CEP85L: variants seen among roughly 807,000 people sequenced by gnomAD.
CEP85L encodes centrosomal protein 85L, also known as centrosomal protein of 85 kDa-like.
Under a neutral mutation model 100.3 loss-of-function variants are expected in CEP85L, and 60 were observed. The ratio of observed to expected loss-of-function variants is 0.60; its 90% CI spans 0.49 to 0.74. The LOEUF is 0.74. CEP85L is among the 30% of genes least tolerant of loss of function. CEP85L has a pLI of 0.00. For missense variants in CEP85L, 973 were observed against 936.2 expected (o/e 1.04, Z -0.51); for synonymous variants, 319 against 322.7 (o/e 0.99, Z 0.12).
rs147778484 is a variant in CEP85L, at chr6:118,483,530, T to A, written c.1590+176A>T. Among the ~76,000 whole-genome samples the A allele has an allele frequency of 9.9e-5, 15 of 152,278 alleles. No individual in the cohort carries two copies. In the East Asian group the frequency reaches 2.7e-3, roughly 27 times the overall value. On this transcript the variant is annotated intron_variant, in intron 7 of 12. Coordinates refer to ENST00000368491, the MANE Select transcript of CEP85L (RefSeq NM_001042475.3). ...GGATCAATAGGAAGGTAATCACTTA[T>A]TAACTGACAAGAAAGATCTACTTAT...
At chr6:118,497,727 C>A (rs1267771796) in intron 5 of CEP85L, among the ~76,000 whole-genome samples, 1 of 152,106 alleles carries the variant, frequency 6.6e-6, no homozygotes, top group East Asian at 1.9e-4. Context: ...ATCTGCTTTG[C>A]AAGAAATGTT....
At chr6:118,477,138 A>G (rs1773445222) in intron 10 of CEP85L, among the ~76,000 whole-genome samples, 1 of 152,200 alleles carries the variant, frequency 6.6e-6, no homozygotes, top group Non-Finnish European at 1.5e-5. Context: ...CAGGCTAGCT[A>G]TACTAGTTTT....
chr6:118,619,435 GCT>G (rs1388135329), intron 2 of CEP85L, among the ~76,000 whole-genome samples: 1 of 152,026 alleles, frequency 6.6e-6, no homozygotes, highest in Non-Finnish European at 1.5e-5. Context: ...TGACAATACT[GCT>G]CTATGCCAAG....
intron 4 of CEP85L, among the ~76,000 whole-genome samples, chr6:118,521,835 T>C (rs560775528): frequency 6.6e-6 from 1 of 152,148 alleles, no homozygotes; most frequent in African/African-American, 2.4e-5. Flanking sequence ...AGCTAAAGAA[T>C]TAGCCAAATG....
chr6:118,520,287 G>A (rs567279649), intron 4 of CEP85L, among the ~76,000 whole-genome samples: 24 of 152,192 alleles, frequency 1.6e-4, no homozygotes, highest in African/African-American at 5.1e-4. Context: ...CAACATGATC[G>A]TTTATGTAAA....
chr6:118,569,486 TAAATA>T (rs902557794), intron 2 of CEP85L, among the ~76,000 whole-genome samples: 1 of 143,944 alleles, frequency 6.9e-6, no homozygotes, highest in Non-Finnish European at 1.5e-5. Context: ...AAAAAATAAA[TAAATA>T]AAAATAAAAA....
rs79405118 is a variant in CEP85L, at chr6:118,539,976, T to C, written c.1021-16056A>G. The stretch of plus-strand genomic sequence containing the variant: ...CAACAATAATCTCATGGTGAAACTG[T>C]TGAGTGGAGTTCAGACAGCTCCCTG... On this transcript the variant is annotated intron_variant, in intron 3 of 12. Coordinates refer to ENST00000368491, the MANE Select transcript of CEP85L (RefSeq NM_001042475.3). 3.2e-3 allele frequency among the ~76,000 whole-genome samples: 481 copies of C among 152,178 alleles called. 1 individual carries two copies. Among genetic ancestry groups the C allele is most frequent in the Middle Eastern group, 0.01 (3 of 294 alleles).
intron 5 of CEP85L, among the ~76,000 whole-genome samples, chr6:118,492,551 A>C (rs1433816783): frequency 6.6e-6 from 1 of 152,156 alleles, no homozygotes; most frequent in African/African-American, 2.4e-5. Flanking sequence ...ATGTAGGATT[A>C]AAATCTGGAA....
intron 1 of CEP85L, among the ~76,000 whole-genome samples, chr6:118,650,689 A>T (rs1775493940): frequency 6.6e-6 from 1 of 152,118 alleles, no homozygotes; most frequent in African/African-American, 2.4e-5. Context: ...ACGCGCCCTA[A>T]AAGTAGCGGC....
At chr6:118,563,275 A>C (rs1214730026) in intron 3 of CEP85L, among the ~76,000 whole-genome samples, 1 of 152,238 alleles carries the variant, frequency 6.6e-6, no homozygotes, top group East Asian at 1.9e-4. Flanking sequence ...CAACACACAC[A>C]TAAGAATGTG....
At chr6:118,523,518 T>C (rs1198390450) in intron 4 of CEP85L, among the ~76,000 whole-genome samples, 1 of 152,204 alleles carries the variant, frequency 6.6e-6, no homozygotes, top group Non-Finnish European at 1.5e-5. Context: ...CTGATTAGCA[T>C]TGCAGCTAAC....
chr6:118,589,738 T>C (rs1048996783), intron 2 of CEP85L: 4 of 232,592 alleles, frequency 1.7e-5, no homozygotes, highest in South Asian at 6.2e-5. Context: ...ATCAGGTGTA[T>C]AGCAAGTGAA....
intron 1 of CEP85L, among the ~76,000 whole-genome samples, chr6:118,695,798 A>G (rs1777188018): frequency 6.6e-6 from 1 of 152,238 alleles, no homozygotes; most frequent in Non-Finnish European, 1.5e-5. Context: ...ATGGTATGTA[A>G]GTAAGATGCC....
chr6:118,531,166 C>G (rs1719048682), intron 3 of CEP85L, among the ~76,000 whole-genome samples: 1 of 152,024 alleles, frequency 6.6e-6, no homozygotes, highest in Non-Finnish European at 1.5e-5. Flanking sequence ...ACACACAGAC[C>G]AATGAAACAA....
chr6:118,598,671 G>A (rs992025077), intron 2 of CEP85L, among the ~76,000 whole-genome samples: 1 of 152,196 alleles, frequency 6.6e-6, no homozygotes, highest in Non-Finnish European at 1.5e-5. Context: ...ACCCTTCAGA[G>A]GGAGCATGGC....
chr6:118,600,300 G>GGGGGGTGTGTGT lies in CEP85L; in HGVS notation c.232+32152_232+32153insACACACACCCCC, dbSNP rs1562297733. 2.5e-4 allele frequency among the ~76,000 whole-genome samples: 13 copies of GGGGGGTGTGTGT among 52,244 alleles called. 2 individuals carry two copies. The highest frequency in any genetic ancestry group is 0.01 in the Middle Eastern group (1 of 96). 34.3% of individuals were successfully genotyped at this position (52,244 alleles called of 152,430 possible). A position where few individuals can be genotyped will look rare whatever the true frequency, so the allele number is the denominator to read the frequency against. On this transcript the variant is annotated intron_variant, in intron 2 of 12. Coordinates refer to ENST00000368491, the MANE Select transcript of CEP85L (RefSeq NM_001042475.3). The stretch of plus-strand genomic sequence containing the variant: ...CTGCCTGTCCCTGAGCCTTCCTGGG[G>GGGGGGTGTGTGT]GTGTGTGTGTGTGTGTGTGTGTGTG...
At chr6:118,491,074 T>C (rs12530169) in intron 6 of CEP85L, among the ~76,000 whole-genome samples, 32,794 of 152,058 alleles carry the variant, frequency 0.22, 4,660 homozygotes, top group East Asian at 0.61. Context: ...ATGGTAGCTC[T>C]ACTTTTAGTT....
At chr6:118,571,700 T>G (rs1003373617) in intron 2 of CEP85L, among the ~76,000 whole-genome samples, 3 of 152,176 alleles carry the variant, frequency 2.0e-5, no homozygotes, top group Non-Finnish European at 4.4e-5. Flanking sequence ...TCATCAGTCT[T>G]CACAGTTTAA....
chr6:118,507,427 A>C (rs966378888), intron 5 of CEP85L, among the ~76,000 whole-genome samples: 1 of 152,148 alleles, frequency 6.6e-6, no homozygotes, highest in Non-Finnish European at 1.5e-5. Context: ...CATCTACCTT[A>C]AATCCAATCT....
Sources: allele counts gnomAD v4.1 joint callset (sites outside exome capture counted in the v4.1 genomes callset), GRCh38; gene constraint gnomAD v4.1.1; transcripts MANE v1.5; gene names NCBI Gene and HGNC (gene_info 2026-07-23, HGNC 2026-07-21).